Variants in RUNX1T1 observed in about 807,000 individuals in gnomAD.
RUNX1T1 encodes the protein protein CBFA2T1.
A neutral mutation model predicts 62.8 loss-of-function variants in RUNX1T1; 4 were observed. The observed-to-expected ratio is 0.06, with a 90% CI of 0.03 to 0.15. The LOEUF is 0.15. Among genes scored for constraint, RUNX1T1 ranks in the 10% least tolerant of loss-of-function variants. The pLI is 1.00. For synonymous variants in RUNX1T1, 291 were observed against 286.0 expected, an observed-to-expected ratio of 1.02 and a Z score of -0.18; for missense variants, 508 against 754.3, an observed-to-expected ratio of 0.67 and a Z score of 3.82.
chr8:91,977,059 T>C (rs1376719969), intron 8 of RUNX1T1: 1 of 191,734 alleles, frequency 5.2e-6, no homozygotes, highest in Non-Finnish European at 1.1e-5. Context: ...CTACACAATG[T>C]CAAAAATAAA....
intron 1 of RUNX1T1, among the ~76,000 whole-genome samples, chr8:92,060,551 ATATGTGTGTGTGTG>A (rs1419134754): frequency 1.9e-4 from 18 of 95,328 alleles, no homozygotes; most frequent in African/African-American, 4.3e-4. Flanking sequence ...ATATATATAT[ATATGTGTGTGTGTG>A]TGTGTGTGTG....
intron 1 of RUNX1T1, among the ~76,000 whole-genome samples, chr8:92,079,168 A>G (rs1834864771): frequency 6.6e-6 from 1 of 152,226 alleles, no homozygotes; most frequent in African/African-American, 2.4e-5. Context: ...GAGCATTTAA[A>G]CACACCTCTT....
intron 1 of RUNX1T1, among the ~76,000 whole-genome samples, chr8:92,042,349 T>C (rs1828624574): frequency 6.6e-6 from 1 of 152,204 alleles, no homozygotes; most frequent in Non-Finnish European, 1.5e-5. Flanking sequence ...AGGTTCTCAC[T>C]GTTGCCCAGG....
chr8:91,957,046 AAAGAG>A (rs573786315), downstream of RUNX1T1: 265 of 217,342 alleles, frequency 1.2e-3, no homozygotes, highest in African/African-American at 1.0e-3. Flanking sequence ...AGAAAAAGAG[AAAGAG>A]AAAAGAGTAA....
intron 1 of RUNX1T1, among the ~76,000 whole-genome samples, chr8:92,020,655 G>A (rs190802197): frequency 1.6e-4 from 24 of 152,200 alleles, no homozygotes; most frequent in African/African-American, 4.1e-4. Flanking sequence ...TAAACAAGAC[G>A]ATCTTCCCTC....
At chr8:92,098,786 C>G (rs1418241816) in intron 1 of RUNX1T1, among the ~76,000 whole-genome samples, 1 of 152,194 alleles carries the variant, frequency 6.6e-6, no homozygotes, top group East Asian at 1.9e-4. Flanking sequence ...TTTGGACAGA[C>G]AGGTGCAAAC....
chr8:92,082,914 A>G (rs1835503904), intron 1 of RUNX1T1, among the ~76,000 whole-genome samples: 1 of 152,044 alleles, frequency 6.6e-6, no homozygotes, highest in South Asian at 2.1e-4. Context: ...GAGGAGGGAG[A>G]GAAGGAAGAG....
At chr8:91,969,513 C>T (rs527657721) in intron 10 of RUNX1T1, among the ~76,000 whole-genome samples, 1 of 150,444 alleles carries the variant, frequency 6.6e-6, no homozygotes, top group East Asian at 2.0e-4. Context: ...GTCCTTATAT[C>T]TTAGCCACAA....
chr8:92,101,962 T>C (rs1266013938), upstream of RUNX1T1, among the ~76,000 whole-genome samples: 1 of 152,172 alleles, frequency 6.6e-6, no homozygotes, highest in Admixed American at 6.5e-5. Context: ...GAGGGGTTTC[T>C]GGAAAACGAA....
chr8:92,011,542 T>C lies in RUNX1T1; in HGVS notation c.388-451A>G, dbSNP rs994163000. On this transcript the variant is annotated intron_variant, in intron 3 of 10. Transcript: ENST00000396218. ...GCACTACTGCTGGTGGAAATATTCTTCTCCTCCTCCTGTATTTCCATCTTG... is the reference window on the plus strand; with the variant it reads ...GCACTACTGCTGGTGGAAATATTCTCCTCCTCCTCCTGTATTTCCATCTTG... 2.6e-4 allele frequency among the ~76,000 whole-genome samples: 39 copies of C among 152,194 alleles called. 2 individuals carry two copies. Among genetic ancestry groups the C allele is most frequent in the Non-Finnish European group, 7.3e-5 (5 of 68,032 alleles).
At chr8:92,035,975 T>C (rs1194125637) in intron 1 of RUNX1T1, among the ~76,000 whole-genome samples, 1 of 152,198 alleles carries the variant, frequency 6.6e-6, no homozygotes, top group African/African-American at 2.4e-5. Flanking sequence ...GTGTCTCAAG[T>C]GAACACATAC....
upstream of RUNX1T1, among the ~76,000 whole-genome samples, chr8:92,100,287 A>C (rs981363120): frequency 1.3e-5 from 2 of 152,198 alleles, no homozygotes; most frequent in African/African-American, 4.8e-5. Flanking sequence ...TAAAAGAAAA[A>C]ATAGACTGTT....
chr8:92,090,952 G>C (rs1486527972), intron 1 of RUNX1T1, among the ~76,000 whole-genome samples: 1 of 152,212 alleles, frequency 6.6e-6, no homozygotes, highest in African/African-American at 2.4e-5. Context: ...CAGGCTCATA[G>C]TAGGTCTCTA....
At chr8:92,034,125 T>C (rs1563808218) in intron 1 of RUNX1T1, among the ~76,000 whole-genome samples, 1 of 152,104 alleles carries the variant, frequency 6.6e-6, no homozygotes, top group East Asian at 1.9e-4. Context: ...AGAAAGCCCG[T>C]GAACACACAC....
chr8:92,015,780 C>T (rs1822870840), intron 2 of RUNX1T1, among the ~76,000 whole-genome samples: 1 of 152,120 alleles, frequency 6.6e-6, no homozygotes, highest in Non-Finnish European at 1.5e-5. Context: ...CCATGTTATG[C>T]TTAAAAGTTC....
intron 1 of RUNX1T1, among the ~76,000 whole-genome samples, chr8:92,085,385 C>T (rs1835938011): frequency 6.6e-6 from 1 of 152,224 alleles, no homozygotes; most frequent in Non-Finnish European, 1.5e-5. Context: ...TATATACTTG[C>T]ACAAGTAGAA....
intron 1 of RUNX1T1, among the ~76,000 whole-genome samples, chr8:92,046,366 T>TA (rs1190448451): frequency 1.3e-5 from 2 of 151,904 alleles, no homozygotes; most frequent in Non-Finnish European, 2.9e-5. Flanking sequence ...ATACAAAGAT[T>TA]AAAAAAAATT....
chr8:91,979,135 C>T (rs1586787848), intron 8 of RUNX1T1, among the ~76,000 whole-genome samples: 1 of 152,132 alleles, frequency 6.6e-6, no homozygotes, highest in Admixed American at 6.5e-5. Flanking sequence ...GTATACTCCT[C>T]AGAAATCTAT....
At chr8:91,983,936 C>T (rs560235896) in intron 8 of RUNX1T1, among the ~76,000 whole-genome samples, 1 of 152,292 alleles carries the variant, frequency 6.6e-6, no homozygotes, top group South Asian at 2.1e-4. Flanking sequence ...AACTTGCACA[C>T]TGCAGAGTTC....
Sources: gnomAD v4.1 joint callset for allele counts (sites outside exome capture counted in the v4.1 genomes callset) on GRCh38, gnomAD v4.1.1 for gene constraint, MANE v1.5 for transcripts, NCBI Gene and HGNC (gene_info 2026-07-23, HGNC 2026-07-21) for gene names.